Variants in HMCN2 observed in about 807,000 individuals in gnomAD.
The protein encoded by HMCN2 is hemicentin-2.
HMCN2 carries 325 observed loss-of-function variants against 377.5 expected under a neutral mutation model. The ratio of observed to expected loss-of-function variants is 0.86; its 90% CI spans 0.79 to 0.94. The LOEUF (loss-of-function observed/expected upper bound fraction) is 0.94, where lower values mean the gene tolerates loss of function less well. Ranked by LOEUF, HMCN2 falls within the 40% of genes least tolerant of loss-of-function variation. The pLI is 0.00. For synonymous variants in HMCN2, 2,007 were observed against 2,046.8 expected (o/e 0.98, Z 0.53); for missense variants, 4,543 against 4,725.3 (o/e 0.96, Z 1.13).
intron 19 of HMCN2, among the ~76,000 whole-genome samples, chr9:130,324,448 G>T (rs1333271316): frequency 6.6e-6 from 1 of 152,142 alleles, no homozygotes; most frequent in South Asian, 2.1e-4. Flanking sequence ...CCTGGCTCCC[G>T]CCACGCGCAG....
chr9:130,345,090 T>TGTATATGTTGTATGTG (rs1839295652), intron 25 of HMCN2, among the ~76,000 whole-genome samples: 1 of 149,202 alleles, frequency 6.7e-6, no homozygotes, highest in Non-Finnish European at 1.5e-5. Context: ...TAGTGCATGG[T>TGTATATGTTGTATGTG]GTGTATGTGG....
intron 30 of HMCN2, among the ~76,000 whole-genome samples, chr9:130,352,513 G>C (rs972385717): frequency 6.6e-6 from 1 of 152,220 alleles, no homozygotes; most frequent in Non-Finnish European, 1.5e-5. Context: ...GTTATTTCAT[G>C]CTGTGCCCAT....
chr9:130,426,534 G>A (rs1387388024), intron 90 of HMCN2, among the ~76,000 whole-genome samples: 1 of 152,108 alleles, frequency 6.6e-6, no homozygotes, highest in South Asian at 2.1e-4. Context: ...TCTGCACCGC[G>A]GGCATGACAT....
intron 33 of HMCN2, 84 bp downstream of exon 33, chr9:130,355,938 A>G: frequency 4.2e-6 from 4 of 959,230 alleles, no homozygotes; most frequent in Non-Finnish European, 5.7e-6. Flanking sequence ...TGGACAGGAG[A>G]GAGGCTTCCT....
intron 84 of HMCN2, 98 bp from the exon 85 acceptor site, chr9:130,410,473 C>A (rs536968233): frequency 1.8e-6 from 2 of 1,091,080 alleles, no homozygotes; most frequent in Non-Finnish European, 2.7e-6. Context: ...CAGCCTAAGC[C>A]CCTTGCTGGC....
chr9:130,420,241 G>GT (rs1421621953), intron 86 of HMCN2, among the ~76,000 whole-genome samples: 1 of 151,698 alleles, frequency 6.6e-6, no homozygotes, highest in Non-Finnish European at 1.5e-5. Flanking sequence ...TGCCCGGCTA[G>GT]TTTTTTGTAT....
intron 1 of HMCN2, among the ~76,000 whole-genome samples, chr9:130,273,580 C>T (rs1452124431): frequency 6.6e-6 from 1 of 151,952 alleles, no homozygotes; most frequent in Non-Finnish European, 1.5e-5. Context: ...TCACTGCAAC[C>T]TCCGTCCCCC....
At chr9:130,293,883 G>A (rs1588187519) in intron 4 of HMCN2, among the ~76,000 whole-genome samples, 1 of 152,188 alleles carries the variant, frequency 6.6e-6, no homozygotes, top group African/African-American at 2.4e-5. Flanking sequence ...TTCAGGATTA[G>A]AGAGGGCTCT....
chr9:130,388,345 G>C (rs1842125245), intron 61 of HMCN2, 64 bp from the exon 62 acceptor site: 1 of 984,614 alleles, frequency 1.0e-6, no homozygotes, highest in Admixed American at 6.1e-5. Flanking sequence ...TCCCTGATCT[G>C]CCTGAGGGGA....
chr9:130,427,772 A>G (rs1226328507), intron 92 of HMCN2, among the ~76,000 whole-genome samples, 153 bp downstream of exon 92: 1 of 152,188 alleles, frequency 6.6e-6, no homozygotes, highest in Non-Finnish European at 1.5e-5. Context: ...GGGGGTCCCA[A>G]TGCTATGTCC....
chr9:130,428,562 G>A lies in HMCN2; in HGVS notation c.14197+73G>A. The stretch of plus-strand genomic sequence containing the variant: ...AGGTTGCCAGGGATCAGCTGACAGG[G>A]GGCTGTGTGTCACTGGGCTCTGGGC... On this transcript the variant is annotated intron_variant, in intron 93 of 97. Coordinates refer to ENST00000683500, the MANE Select transcript of HMCN2 (RefSeq NM_001291815.2). This position sits in a 1 kb window ranked among gnomAD's most constrained non-coding sequence, Gnocchi z 5.0. The A allele has an allele frequency of 6.6e-7, 1 of 1,510,414 alleles. No individual in the cohort carries two copies. Among genetic ancestry groups the A allele is most frequent in the Middle Eastern group, 2.0e-4 (1 of 5,080 alleles). The allele number at this position is 1,510,414 out of a possible 1,614,324, so 93.6% of individuals were successfully genotyped here.
chr9:130,309,915 G>T lies in HMCN2; in HGVS notation c.2204G>T (p.Gly735Val), dbSNP rs782152463. Residue 735 changes from glycine to valine, a missense_variant, in exon 15 of 98, where the codon GGT becomes GTT. By Grantham distance (109) the Gly-to-Val change is moderately radical. Transcript: ENST00000683500. ...TGCTTCTTCCTCTTTGGTCCAGGGGGTCTTGAAATGATCCTGGCCCCTGAG... is the reference window on the plus strand; with the variant it reads ...TGCTTCTTCCTCTTTGGTCCAGGGGTTCTTGAAATGATCCTGGCCCCTGAG... ...PPPRVIWYRGGLEMILAPEGS... is the reference protein window; with the variant it reads ...PPPRVIWYRGVLEMILAPEGS... The T allele has an allele frequency of 1.2e-5, 6 of 501,704 alleles. No homozygotes were observed. Among genetic ancestry groups the T allele is most frequent in the Non-Finnish European group, 2.5e-5 (6 of 243,758 alleles). 31.1% of individuals were successfully genotyped at this position (501,704 alleles called of 1,614,324 possible).
chr9:130,402,816 C>G lies in HMCN2; in HGVS notation c.11798C>G (p.Pro3933Arg), dbSNP rs893917620. 2.3e-6 allele frequency: 3 copies of G among 1,289,774 alleles called. No individual in the cohort carries two copies. The highest frequency in any genetic ancestry group is 3.0e-6 in the Non-Finnish European group (3 of 988,838). 79.9% of individuals were successfully genotyped at this position (1,289,774 alleles called of 1,614,324 possible). Reference sequence around the variant, plus strand: ...GCCCTGGAGATCGGGCAGGCCCTCCCCATCCACGCAGGCCGCTACACCTGC... The same window carrying G: ...GCCCTGGAGATCGGGCAGGCCCTCCGCATCCACGCAGGCCGCTACACCTGC... ...SGALEIGQAL[P>R]IHAGRYTCSA... Residue 3933 changes from proline (P) to arginine (R), a missense_variant, in exon 78 of 98, where the codon CCC (proline) becomes CGC (arginine). By Grantham distance (103) the Pro-to-Arg change is moderately radical. Coordinates refer to ENST00000683500, the MANE Select transcript of HMCN2 (RefSeq NM_001291815.2).
intron 94 of HMCN2, 71 bp downstream of exon 94, chr9:130,429,756 C>G (rs1844626355): frequency 3.1e-6 from 4 of 1,299,214 alleles, no homozygotes; most frequent in Admixed American, 3.0e-5. Flanking sequence ...AGGGCCCCAG[C>G]CTGCCCTGCC....
intron 4 of HMCN2, among the ~76,000 whole-genome samples, chr9:130,288,531 C>T (rs1835549576): frequency 6.6e-6 from 1 of 152,242 alleles, no homozygotes; most frequent in Non-Finnish European, 1.5e-5. Context: ...TGCCTTCACC[C>T]TAGCCAAGGG....
Position 130,377,644 on chromosome 9 carries a change from C to T in HMCN2, c.8062-5C>T, listed in dbSNP as rs1353719551. 2.0e-5 allele frequency: 20 copies of T among 985,826 alleles called. No homozygotes were observed. The highest frequency in any genetic ancestry group is 2.4e-5 in the Non-Finnish European group (20 of 829,962). 61.1% of individuals were successfully genotyped at this position (985,826 alleles called of 1,614,324 possible). ...CTTCCCCTGACCCCCTCATCCTCCT[C>T]ACAGCCCGTGACCCCCAGCTCGCGG... On this transcript the variant is annotated splice_region_variant and splice_polypyrimidine_tract_variant and intron_variant, in intron 52 of 97. Transcript: ENST00000683500.
At chr9:130,357,388 G>A (rs1290308421) in intron 34 of HMCN2, among the ~76,000 whole-genome samples, 1 of 150,644 alleles carries the variant, frequency 6.6e-6, no homozygotes, top group African/African-American at 2.4e-5. Context: ...ATGGATGGGT[G>A]GATGGATGGA....
Position 130,355,811 on chromosome 9 carries a change from G to C in HMCN2, c.5212G>C (p.Glu1738Gln), listed in dbSNP as rs1277949370. 6 of 1,303,922 alleles carry C rather than the reference G, an allele frequency of 4.6e-6. No homozygotes were observed. Among genetic ancestry groups the C allele is most frequent in the Non-Finnish European group, 6.1e-6 (6 of 988,944 alleles). 80.8% of individuals were successfully genotyped at this position (1,303,922 alleles called of 1,614,324 possible). ...QVTTIVGQPLELPCQASGSPV... is the reference protein window; with the variant it reads ...QVTTIVGQPLQLPCQASGSPV... ...GACCACCATCGTGGGACAGCCCCTG[G>C]AACTTCCCTGCCAGGCCTCAGGCTC... Residue 1738 changes from glutamate (E) to glutamine (Q), a missense_variant, in exon 33 of 98, where the codon GAA becomes CAA. Glu to Gln is a conservative substitution (Grantham distance 29). Coordinates refer to ENST00000683500, the MANE Select transcript of HMCN2 (RefSeq NM_001291815.2).
At chr9:130,285,365 C>T (rs782229759) in intron 3 of HMCN2, 49 bp downstream of exon 3, 24 of 465,228 alleles carry the variant, frequency 5.2e-5, no homozygotes, top group Non-Finnish European at 9.3e-5. Flanking sequence ...CCGGGGGTCC[C>T]GAGGAAGCTG....
Sources: allele counts gnomAD v4.1 joint callset (sites outside exome capture counted in the v4.1 genomes callset), GRCh38; gene constraint gnomAD v4.1.1; non-coding constraint Gnocchi (gnomAD v3.1); transcripts MANE v1.5; gene names NCBI Gene and HGNC (gene_info 2026-07-23, HGNC 2026-07-21).